SLC39A11: variants seen among roughly 807,000 people sequenced by gnomAD.
The protein encoded by SLC39A11 is zinc transporter ZIP11.
SLC39A11 carries 33 observed loss-of-function variants against 36.1 expected under a neutral mutation model. That is an observed-to-expected ratio of 0.91 (90% CI 0.69 to 1.22). The LOEUF is 1.22. Among genes scored for constraint, SLC39A11 ranks in the 50% most tolerant of loss-of-function variants. SLC39A11 has a pLI of 0.00. For missense variants in SLC39A11, 432 were observed against 430.3 expected (o/e 1.00, Z -0.03); for synonymous variants, 166 against 170.3 (o/e 0.97, Z 0.20).
At chr17:72,943,126 G>A (rs1308484628) in intron 5 of SLC39A11, among the ~76,000 whole-genome samples, 2 of 152,164 alleles carry the variant, frequency 1.3e-5, no homozygotes, top group African/African-American at 4.8e-5. Flanking sequence ...GTCTTGAGGT[G>A]GAAGAAGGGG....
chr17:72,811,500 T>C (rs2145403329), intron 6 of SLC39A11, among the ~76,000 whole-genome samples: 1 of 152,310 alleles, frequency 6.6e-6, no homozygotes, highest in East Asian at 1.9e-4. Context: ...CACCTGGATC[T>C]CAGAAGGGAG....
chr17:72,984,085 C>A (rs549927158), intron 4 of SLC39A11, among the ~76,000 whole-genome samples: 2 of 152,062 alleles, frequency 1.3e-5, no homozygotes, highest in African/African-American at 4.8e-5. Context: ...GGGCTGGAAT[C>A]GTGGAGTGAT....
At chr17:73,024,914 C>A (rs1040750104) in intron 4 of SLC39A11, among the ~76,000 whole-genome samples, 10 of 123,604 alleles carry the variant, frequency 8.1e-5, no homozygotes, top group Non-Finnish European at 1.6e-4. Flanking sequence ...CAGGGTTTCA[C>A]CATGTTGGCC....
At chr17:72,809,722 C>T (rs1028571244) in intron 6 of SLC39A11, among the ~76,000 whole-genome samples, 69 of 152,278 alleles carry the variant, frequency 4.5e-4, no homozygotes, top group African/African-American at 1.5e-3. Flanking sequence ...CACATTTAAA[C>T]AAGGTCTGCT....
intron 5 of SLC39A11, among the ~76,000 whole-genome samples, chr17:72,912,102 A>G (rs1246185454): frequency 2.0e-5 from 3 of 152,122 alleles, no homozygotes; most frequent in Admixed American, 6.5e-5. Flanking sequence ...TGCCAACACC[A>G]AGGAAAAGGA....
chr17:73,002,334 G>A (rs879273907), intron 4 of SLC39A11, among the ~76,000 whole-genome samples: 3 of 152,138 alleles, frequency 2.0e-5, no homozygotes, highest in Non-Finnish European at 2.9e-5. Context: ...TGACTAGTTC[G>A]AAGTCCTACA....
chr17:72,904,524 G>A (rs781696593), intron 5 of SLC39A11, among the ~76,000 whole-genome samples: 34 of 152,300 alleles, frequency 2.2e-4, no homozygotes, highest in Middle Eastern at 3.4e-3. Context: ...CTGAGCAGGT[G>A]CAGGGCCACT....
chr17:73,041,002 C>A (rs1268283745), intron 3 of SLC39A11, among the ~76,000 whole-genome samples: 28 of 134,400 alleles, frequency 2.1e-4, no homozygotes, highest in Non-Finnish European at 3.1e-4. Context: ...AAACAAAAAA[C>A]AAAAAACAAA....
chr17:72,700,109 C>A (rs569327465), intron 7 of SLC39A11, among the ~76,000 whole-genome samples: 1 of 152,160 alleles, frequency 6.6e-6, no homozygotes, highest in Non-Finnish European at 1.5e-5. Context: ...TGCCATCGTG[C>A]GCCTGGGGCG....
chr17:73,076,298 T>A (rs2144629599), intron 3 of SLC39A11, among the ~76,000 whole-genome samples: 1 of 152,212 alleles, frequency 6.6e-6, no homozygotes, highest in Non-Finnish European at 1.5e-5. Context: ...GAAAAAATGA[T>A]TAACACTTCC....
At chr17:72,682,757 T>C (rs960812649) in intron 7 of SLC39A11, among the ~76,000 whole-genome samples, 9 of 152,238 alleles carry the variant, frequency 5.9e-5, no homozygotes, top group Non-Finnish European at 1.2e-4. Context: ...TGAAGTGGTT[T>C]CCACTGTAAA....
chr17:73,070,389 T>A (rs1382534732), intron 3 of SLC39A11, among the ~76,000 whole-genome samples: 1 of 152,164 alleles, frequency 6.6e-6, no homozygotes, highest in Admixed American at 6.5e-5. Context: ...CTCCCAGGCT[T>A]CCCTCATCCA....
At position 72,865,228 on chromosome 17, in the gene SLC39A11, T is replaced by C. The variant is rs529677796; in HGVS notation, c.431-15424A>G. Among the ~76,000 whole-genome samples, 4 of 151,972 alleles carry C rather than the reference T, an allele frequency of 2.6e-5. No individual in the cohort carries two copies. In the South Asian group the frequency reaches 6.3e-4, roughly 24 times the overall value. Reference sequence around the variant, plus strand: ...AGGGGCCTGGGTGTTACTGTCCACATGGAGGTAAAGGGGAGGCCCTGGAAC... The same window carrying C: ...AGGGGCCTGGGTGTTACTGTCCACACGGAGGTAAAGGGGAGGCCCTGGAAC... On this transcript the variant is annotated intron_variant, in intron 5 of 9. Transcript: ENST00000255559.
intron 7 of SLC39A11, among the ~76,000 whole-genome samples, chr17:72,657,995 G>A (rs1415431250): frequency 6.6e-6 from 1 of 152,232 alleles, no homozygotes; most frequent in Admixed American, 6.5e-5. Context: ...CAGGAACTGG[G>A]CAGGCACGGC....
chr17:72,849,565 C>T, intron 6 of SLC39A11, 69 bp downstream of exon 6: 1 of 1,373,840 alleles, frequency 7.3e-7, no homozygotes, highest in Non-Finnish European at 9.5e-7. Flanking sequence ...CTTTTCCAGC[C>T]AGACAACTGT....
At chr17:72,720,013 A>G (rs1314725011) in intron 7 of SLC39A11, among the ~76,000 whole-genome samples, 1 of 152,218 alleles carries the variant, frequency 6.6e-6, no homozygotes, top group Non-Finnish European at 1.5e-5. Flanking sequence ...AAAGGGAAGC[A>G]GCTCGTGTGC....
At chr17:72,910,926 C>CAAAAAAA (rs199741291) in intron 5 of SLC39A11, among the ~76,000 whole-genome samples, 6 of 112,002 alleles carry the variant, frequency 5.4e-5, no homozygotes, top group African/African-American at 2.0e-4. Context: ...GACTCCACCT[C>CAAAAAAA]AAAAAAAAAA....
intron 6 of SLC39A11, among the ~76,000 whole-genome samples, chr17:72,829,851 T>C (rs1416516656): frequency 3.3e-5 from 5 of 151,906 alleles, no homozygotes; most frequent in Non-Finnish European, 7.4e-5. Context: ...CCCTCAAAGG[T>C]GTGTTTTGAG....
chr17:72,975,068 C>G (rs1389734199), intron 4 of SLC39A11, among the ~76,000 whole-genome samples: 1 of 152,094 alleles, frequency 6.6e-6, no homozygotes, highest in Non-Finnish European at 1.5e-5. Flanking sequence ...AGCATGTATC[C>G]CCACCGTTGA....
Sources: gnomAD v4.1 joint callset for allele counts (sites outside exome capture counted in the v4.1 genomes callset) on GRCh38, gnomAD v4.1.1 for gene constraint, MANE v1.5 for transcripts, NCBI Gene and HGNC (gene_info 2026-07-23, HGNC 2026-07-21) for gene names.